PRDM5: variants seen among roughly 807,000 people sequenced by gnomAD.
The protein encoded by PRDM5 is PR domain zinc finger protein 5.
PRDM5 carries 56 observed loss-of-function variants against 81.2 expected under a neutral mutation model. The ratio of observed to expected loss-of-function variants is 0.69; its 90% CI spans 0.56 to 0.86. The LOEUF is 0.86. Among genes scored for constraint, PRDM5 ranks in the 40% least tolerant of loss-of-function variants. The pLI, the probability that PRDM5 is intolerant of heterozygous loss-of-function variation, is 0.00. For synonymous variants in PRDM5, 267 were observed against 256.4 expected (o/e 1.04, Z -0.39); for missense variants, 697 against 770.1 (o/e 0.91, Z 1.12).
chr4:120,816,333 C>T lies in PRDM5; in HGVS notation c.865+120G>A, dbSNP rs531462011. 2.9e-5 allele frequency: 44 copies of T among 1,542,214 alleles called. No individual in the cohort carries two copies. The African/African-American group carries it at 5.9e-4, about 21-fold the overall frequency. Reference sequence around the variant, plus strand: ...AAAAAAATCCACTGCCAGCGCTCCACATCTGTGTGAAACACAATGGAAAAG... The same window carrying T: ...AAAAAAATCCACTGCCAGCGCTCCATATCTGTGTGAAACACAATGGAAAAG... On this transcript the variant is annotated intron_variant, in intron 7 of 15. Coordinates refer to ENST00000264808, the MANE Select transcript of PRDM5 (RefSeq NM_018699.4).
chr4:120,798,722 G>A (rs998038536), intron 9 of PRDM5, among the ~76,000 whole-genome samples: 11 of 152,196 alleles, frequency 7.2e-5, no homozygotes, highest in African/African-American at 2.7e-4. Flanking sequence ...ATATGTGACA[G>A]TTTAAATCAG....
chr4:120,892,720 G>C (rs187502657), intron 2 of PRDM5, among the ~76,000 whole-genome samples: 29 of 152,096 alleles, frequency 1.9e-4, no homozygotes, highest in Admixed American at 1.8e-3. Flanking sequence ...TGCCCTGCCT[G>C]CTGTCTCATT....
chr4:120,741,488 G>A (rs1003743239), intron 14 of PRDM5, among the ~76,000 whole-genome samples: 2 of 151,604 alleles, frequency 1.3e-5, no homozygotes, highest in African/African-American at 4.8e-5. Context: ...CAGAAGACGG[G>A]TGATTACTGC....
intron 14 of PRDM5, among the ~76,000 whole-genome samples, chr4:120,738,653 T>C (rs1437994881): frequency 2.0e-5 from 3 of 152,196 alleles, no homozygotes; most frequent in Non-Finnish European, 2.9e-5. Flanking sequence ...ACAACTCCCA[T>C]TGGTAAATGG....
At chr4:120,731,967 T>C (rs1740330540) in intron 14 of PRDM5, among the ~76,000 whole-genome samples, 1 of 152,160 alleles carries the variant, frequency 6.6e-6, no homozygotes, top group Non-Finnish European at 1.5e-5. Flanking sequence ...ATATTAAGGG[T>C]ATAATTCTGT....
Position 120,785,007 on chromosome 4 carries a change from T to C in PRDM5, c.1273A>G (p.Ile425Val), listed in dbSNP as rs75893420. 1.5e-3 allele frequency: 2,337 copies of C among 1,594,428 alleles called. 34 individuals carry two copies. In the African/African-American group the frequency reaches 0.029, roughly 20 times the overall value. Residue 425 changes from isoleucine to valine, a missense_variant, in exon 11 of 16, where the codon ATA becomes GTA. Transcript: ENST00000264808. ...CTGAATCGTGACTTACTGTTATGTA[T>C]TAGCAGGTGTCTCTGTAAAGAAAAT... is the stretch of plus-strand genomic sequence containing the variant. ...TPFSLQRHLL[I>V]HNSERTFKCH...
intron 10 of PRDM5, among the ~76,000 whole-genome samples, chr4:120,796,208 G>A (rs942514159): frequency 1.3e-5 from 2 of 152,096 alleles, no homozygotes; most frequent in Non-Finnish European, 2.9e-5. Context: ...GGAAGAAAAG[G>A]TTGATCTTCT....
chr4:120,712,178 C>T (rs1578441824), intron 14 of PRDM5, among the ~76,000 whole-genome samples: 2 of 151,946 alleles, frequency 1.3e-5, no homozygotes, highest in South Asian at 4.2e-4. Context: ...TCCAGCTACT[C>T]GGGAGGCTGA....
At chr4:120,723,562 T>C (rs983116772) in intron 14 of PRDM5, among the ~76,000 whole-genome samples, 3 of 151,764 alleles carry the variant, frequency 2.0e-5, no homozygotes, top group African/African-American at 7.3e-5. Flanking sequence ...AAAATTATGA[T>C]GCAAACTTCG....
chr4:120,846,864 C>CGTA (rs1561473528), intron 3 of PRDM5, among the ~76,000 whole-genome samples: 1 of 152,108 alleles, frequency 6.6e-6, no homozygotes, highest in African/African-American at 2.4e-5. Context: ...GGGCCTGGTA[C>CGTA]GTAGCAGATG....
chr4:120,713,723 T>C (rs570019825), intron 14 of PRDM5, among the ~76,000 whole-genome samples: 6 of 152,238 alleles, frequency 3.9e-5, no homozygotes, highest in African/African-American at 7.2e-5. Flanking sequence ...AGCAGTATTT[T>C]ATTTATATCT....
At chr4:120,873,896 G>A (rs1762094785) in intron 2 of PRDM5, among the ~76,000 whole-genome samples, 1 of 151,982 alleles carries the variant, frequency 6.6e-6, no homozygotes, top group Non-Finnish European at 1.5e-5. Context: ...TTAAATAGCT[G>A]TTTTTTTATT....
At chr4:120,686,125 T>C (rs749762399) in intron 1 of PRDM5, among the ~76,000 whole-genome samples, 2 of 152,000 alleles carry the variant, frequency 1.3e-5, no homozygotes, top group Admixed American at 1.3e-4. Context: ...TGAGAAAAGG[T>C]CCCTGAGGCC....
intron 2 of PRDM5, among the ~76,000 whole-genome samples, chr4:120,900,657 C>T (rs974886889): frequency 6.6e-6 from 1 of 152,032 alleles, no homozygotes; most frequent in East Asian, 1.9e-4. Flanking sequence ...TGTCTTAAAC[C>T]CCATCAATAA....
At chr4:120,860,699 GT>G (rs1760468820) in intron 2 of PRDM5, among the ~76,000 whole-genome samples, 1 of 151,542 alleles carries the variant, frequency 6.6e-6, no homozygotes, top group Admixed American at 6.6e-5. Flanking sequence ...AAACATGCTG[GT>G]TTTTATGCAC....
chr4:120,695,056 T>C lies in PRDM5; in HGVS notation c.*55A>G. ...TGTTATGCTGATCAGGTGATAAAAA[T>C]CTGGGATTCATATTAGGAGCCCTTC... On this transcript the variant is annotated 3_prime_UTR_variant, in exon 16 of 16. Coordinates refer to ENST00000264808, the MANE Select transcript of PRDM5 (RefSeq NM_018699.4). 1 of 1,565,406 alleles carries C rather than the reference T, an allele frequency of 6.4e-7. No homozygotes were observed. Among genetic ancestry groups the C allele is most frequent in the South Asian group, 1.1e-5 (1 of 89,820 alleles).
chr4:120,890,163 A>T (rs1230414800), intron 2 of PRDM5, among the ~76,000 whole-genome samples: 1 of 152,214 alleles, frequency 6.6e-6, no homozygotes, highest in African/African-American at 2.4e-5. Flanking sequence ...TGGTGCTGGC[A>T]TCTGCTTAGC....
At chr4:120,725,273 TG>T (rs1299216499) in intron 14 of PRDM5, among the ~76,000 whole-genome samples, 3 of 96,602 alleles carry the variant, frequency 3.1e-5, no homozygotes, top group East Asian at 3.6e-4. Context: ...GATATACAGT[TG>T]TTTTTTTTTT....
At chr4:120,863,022 G>A (rs1314876783) in intron 2 of PRDM5, among the ~76,000 whole-genome samples, 2 of 151,376 alleles carry the variant, frequency 1.3e-5, no homozygotes, top group African/African-American at 4.9e-5. Flanking sequence ...AGCTGGGCAT[G>A]GTAGCACATG....
Sources: gnomAD v4.1 joint callset for allele counts (sites outside exome capture counted in the v4.1 genomes callset) on GRCh38, gnomAD v4.1.1 for gene constraint, MANE v1.5 for transcripts, NCBI Gene and HGNC (gene_info 2026-07-23, HGNC 2026-07-21) for gene names.